Variants in ADGRL2 observed in about 807,000 individuals in gnomAD.
The protein encoded by ADGRL2 is calcium-independent alpha-latrotoxin receptor 2.
Under a neutral mutation model 157.4 loss-of-function variants are expected in ADGRL2, and 44 were observed. That is an observed-to-expected ratio of 0.28 (90% CI 0.22 to 0.36). ADGRL2 has a LOEUF of 0.36. Among genes scored for constraint, ADGRL2 ranks in the 10% least tolerant of loss-of-function variants. The probability of loss-of-function intolerance (pLI) is 1.00; values close to 1 mark genes in which losing one functional copy is unlikely to be tolerated. For missense variants in ADGRL2, 1,510 were observed against 1,768.9 expected (o/e 0.85, Z 2.63); for synonymous variants, 585 against 624.7 (o/e 0.94, Z 0.95).
intron 2 of ADGRL2, among the ~76,000 whole-genome samples, chr1:81,880,144 A>C (rs2093949799): frequency 6.6e-6 from 1 of 152,222 alleles, no homozygotes; most frequent in African/African-American, 2.4e-5. Context: ...GTCTAAAGCG[A>C]TGTCCTACTG....
intron 3 of ADGRL2, among the ~76,000 whole-genome samples, chr1:81,652,800 T>C (rs546694312): frequency 8.7e-4 from 132 of 152,218 alleles, no homozygotes; most frequent in African/African-American, 3.0e-3. Context: ...ATCAAAGCCC[T>C]CTCCCTCTCC....
intron 2 of ADGRL2, among the ~76,000 whole-genome samples, chr1:81,539,668 GGCA>G (rs2079835103): frequency 6.6e-6 from 1 of 152,044 alleles, no homozygotes; most frequent in Non-Finnish European, 1.5e-5. Context: ...AGACTAAGAA[GGCA>G]GACTGACAAC....
intron 7 of ADGRL2, among the ~76,000 whole-genome samples, 157 bp downstream of exon 7, chr1:81,950,639 C>T (rs762298291): frequency 6.6e-6 from 1 of 152,144 alleles, no homozygotes; most frequent in Non-Finnish European, 1.5e-5. Context: ...GTTTTTTAAA[C>T]TGTAAAAGTC....
chr1:81,928,330 G>A (rs1356264294), intron 3 of ADGRL2, among the ~76,000 whole-genome samples: 2 of 152,070 alleles, frequency 1.3e-5, no homozygotes, highest in East Asian at 1.9e-4. Flanking sequence ...TGAGAATCAG[G>A]TACGGCTGAT....
intron 3 of ADGRL2, among the ~76,000 whole-genome samples, chr1:81,688,801 C>T (rs72716700): frequency 0.029 from 4,340 of 152,192 alleles, 75 homozygotes; most frequent in South Asian, 0.055. Context: ...TGGGGCGGCT[C>T]TATCAGAGGG....
chr1:81,829,255 A>C (rs1036981681), intron 1 of ADGRL2, among the ~76,000 whole-genome samples: 1 of 152,202 alleles, frequency 6.6e-6, no homozygotes, highest in Non-Finnish European at 1.5e-5. Flanking sequence ...TCAGGCTGAC[A>C]TGGGAAGCCA....
intron 2 of ADGRL2, among the ~76,000 whole-genome samples, chr1:81,858,959 C>G (rs932400580): frequency 3.3e-5 from 5 of 152,096 alleles, no homozygotes; most frequent in African/African-American, 9.7e-5. Flanking sequence ...TTTATTTTTA[C>G]TACATATTGG....
chr1:81,749,767 A>T (rs1037433830), intron 1 of ADGRL2, among the ~76,000 whole-genome samples: 6 of 152,160 alleles, frequency 3.9e-5, no homozygotes, highest in African/African-American at 1.4e-4. Context: ...CATAATTTTG[A>T]ATGTCATTTC....
At chr1:81,578,893 C>T (rs538440229) in intron 2 of ADGRL2, among the ~76,000 whole-genome samples, 83 of 152,224 alleles carry the variant, frequency 5.5e-4, no homozygotes, top group African/African-American at 1.9e-3. Context: ...TTACATATGG[C>T]ACTTGAAGAG....
chr1:81,322,542 G>A (rs554569741), intron 1 of ADGRL2, among the ~76,000 whole-genome samples: 13 of 152,082 alleles, frequency 8.5e-5, no homozygotes, highest in African/African-American at 3.1e-4. Flanking sequence ...AGTGGTGATA[G>A]GACTGCTAAA....
At chr1:81,988,602 C>T (rs943152035) in intron 23 of ADGRL2, among the ~76,000 whole-genome samples, 2 of 152,070 alleles carry the variant, frequency 1.3e-5, no homozygotes, top group African/African-American at 2.4e-5. Flanking sequence ...GAACATGATA[C>T]AAATTTGTCA....
chr1:81,481,496 G>T (rs1400298686), intron 2 of ADGRL2, among the ~76,000 whole-genome samples: 3 of 152,196 alleles, frequency 2.0e-5, no homozygotes. Context: ...TCCCAGGCAG[G>T]TGGGCAACTG....
At chr1:81,387,877 A>G (rs886903471) in intron 1 of ADGRL2, among the ~76,000 whole-genome samples, 11 of 152,066 alleles carry the variant, frequency 7.2e-5, no homozygotes, top group Non-Finnish European at 1.5e-4. Flanking sequence ...ACTCTAACAC[A>G]TACTAGAATT....
intron 1 of ADGRL2, among the ~76,000 whole-genome samples, chr1:81,816,963 C>CTTT (rs68090624): frequency 5.0e-4 from 68 of 135,100 alleles, no homozygotes; most frequent in African/African-American, 1.8e-3. Context: ...TTTTTTGGGG[C>CTTT]TTTTTTTTTT....
rs557793681 is a variant in ADGRL2, at chr1:81,991,384, G to A, written c.*239G>A. The A allele has an allele frequency of 9.3e-5, 31 of 334,302 alleles. No homozygotes were observed. The East Asian group carries it at 1.3e-3, about 14-fold the overall frequency. The allele number at this position is 334,302 out of a possible 1,614,324, so 20.7% of individuals were successfully genotyped here. On this transcript the variant is annotated 3_prime_UTR_variant, in exon 24 of 24. Transcript: ENST00000686636. ...TTTGTTACAAAGAAAAGAGATGCCA[G>A]CCAGGTATTTTAAGATTCTGCTGCT... is the stretch of plus-strand genomic sequence containing the variant.
At chr1:81,390,495 A>C (rs1355713661) in intron 1 of ADGRL2, among the ~76,000 whole-genome samples, 1 of 152,306 alleles carries the variant, frequency 6.6e-6, no homozygotes, top group Non-Finnish European at 1.5e-5. Flanking sequence ...TTCAATTTTT[A>C]AGATACAAAT....
chr1:81,880,882 A>G (rs1385071276), intron 2 of ADGRL2, among the ~76,000 whole-genome samples: 1 of 152,048 alleles, frequency 6.6e-6, no homozygotes, highest in Non-Finnish European at 1.5e-5. Context: ...TCCTGCCTCT[A>G]TCAATATCTT....
intron 2 of ADGRL2, among the ~76,000 whole-genome samples, chr1:81,564,159 G>A (rs1395761313): frequency 6.6e-6 from 1 of 152,154 alleles, no homozygotes; most frequent in Non-Finnish European, 1.5e-5. Context: ...GTGGATGGTG[G>A]GAAGTGCGTT....
chr1:81,784,829 T>C (rs1010815730), intron 2 of ADGRL2, among the ~76,000 whole-genome samples: 2 of 151,626 alleles, frequency 1.3e-5, no homozygotes, highest in South Asian at 2.1e-4. Context: ...GGTCCAAAAA[T>C]AGTAAAAATG....
Sources: gnomAD v4.1 joint callset for allele counts (sites outside exome capture counted in the v4.1 genomes callset) on GRCh38, gnomAD v4.1.1 for gene constraint, MANE v1.5 for transcripts, NCBI Gene and HGNC (gene_info 2026-07-23, HGNC 2026-07-21) for gene names.